Variants in TRIML2 observed in about 807,000 individuals in gnomAD.
TRIML2 encodes tripartite motif family like 2.
A neutral mutation model predicts 31.2 loss-of-function variants in TRIML2; 28 were observed. The ratio of observed to expected loss-of-function variants is 0.90; its 90% CI spans 0.66 to 1.23. The LOEUF is 1.23. TRIML2 is among the 50% of genes most tolerant of loss of function. The pLI is 0.00. For synonymous variants in TRIML2, 187 were observed against 197.5 expected (o/e 0.95, Z 0.45); for missense variants, 536 against 528.3 (o/e 1.01, Z -0.14).
rs552696264 is a variant in TRIML2, at chr4:188,099,576, C to G, written c.481-401G>C. Among the ~76,000 whole-genome samples, 631 of 148,288 alleles carry G rather than the reference C, an allele frequency of 4.3e-3. 4 individuals carry two copies. The highest frequency in any genetic ancestry group is 0.015 in the African/African-American group (597 of 40,756). ...AAGACTCCAAATCAAAAAAAAAAACCAAAACCAAAACCAAAAAAAAAAAAA... is the reference window on the plus strand; with the variant it reads ...AAGACTCCAAATCAAAAAAAAAAACGAAAACCAAAACCAAAAAAAAAAAAA... On this transcript the variant is annotated intron_variant, in intron 4 of 7. Coordinates refer to ENST00000682553, the MANE Select transcript of TRIML2 (RefSeq NM_173553.4).
At chr4:188,098,917 T>C (rs1296841151) in intron 5 of TRIML2, 118 bp downstream of exon 5, 8 of 1,200,698 alleles carry the variant, frequency 6.7e-6, no homozygotes, top group Admixed American at 2.5e-5. Flanking sequence ...TGTAGCCTTC[T>C]TTTGTGGTTG....
Position 188,091,423 on chromosome 4 carries a change from G to T in TRIML2, c.1264C>A (p.Leu422Ile). 1 of 1,614,190 alleles carries T rather than the reference G, an allele frequency of 6.2e-7. No homozygotes were observed. Among genetic ancestry groups the T allele is most frequent in the Non-Finnish European group, 8.5e-7 (1 of 1,180,048 alleles). ...IPNGDTSPDS[L>I]TILQHGPSCD... ...GAAGGACCATGTTGTAAGATGGTGA[G>T]GGAGTCTGGACTTGTGTCTCCATTT... Residue 422 changes from leucine (L) to isoleucine (I), a missense_variant, in exon 8 of 8, where the codon CTC becomes ATC. Coordinates refer to ENST00000682553, the MANE Select transcript of TRIML2 (RefSeq NM_173553.4).
Position 188,104,832 on chromosome 4 carries a change from C to G in TRIML2, c.285+5G>C, listed in dbSNP as rs967375881. 1.9e-6 allele frequency: 3 copies of G among 1,611,742 alleles called. No individual in the cohort carries two copies. The highest frequency in any genetic ancestry group is 1.3e-5 in the African/African-American group (1 of 74,892). On this transcript the variant is annotated splice_donor_5th_base_variant and intron_variant, in intron 3 of 7. Transcript: ENST00000682553. ...CCCCAAGAATCAAGATAAGCACTCA[C>G]TGACCTGAATCATCGCCATTCTTTC...
chr4:188,103,296 A>G (rs1014085837), intron 3 of TRIML2, among the ~76,000 whole-genome samples: 34 of 152,232 alleles, frequency 2.2e-4, no homozygotes, highest in African/African-American at 7.2e-4. Flanking sequence ...CACCACGACC[A>G]GCCTGCTTTT....
At position 188,099,278 on chromosome 4, in the gene TRIML2, G is replaced by A. The variant is rs573372449; in HGVS notation, c.481-103C>T. 8.4e-5 allele frequency: 121 copies of A among 1,448,974 alleles called. No individual in the cohort carries two copies. In the Admixed American group the frequency reaches 9.1e-4, roughly 11 times the overall value. 89.8% of individuals were successfully genotyped at this position (1,448,974 alleles called of 1,614,324 possible). On this transcript the variant is annotated intron_variant, in intron 4 of 7. Transcript: ENST00000682553. ...AATTCAACCATGTTTTTAAAAACCT[G>A]CTTTTCGGTTGGGCGCAGTGGCTCA...
At chr4:188,108,012 T>C (rs190364000) in intron 1 of TRIML2, among the ~76,000 whole-genome samples, 34 of 152,264 alleles carry the variant, frequency 2.2e-4, no homozygotes, top group Middle Eastern at 3.4e-3. Context: ...CTCAAATTTT[T>C]CCTTGAGCTC....
chr4:188,107,776 G>C (rs1734100693), intron 1 of TRIML2, among the ~76,000 whole-genome samples: 1 of 152,122 alleles, frequency 6.6e-6, no homozygotes, highest in Non-Finnish European at 1.5e-5. Context: ...ATTCCATCAG[G>C]TTTGGCCTTT....
Position 188,105,198 on chromosome 4 carries a change from C to T in TRIML2, c.171G>A (p.Glu57=). ...HKHHMVCGIQ[E]AAENYRKLFQ... is the part of the protein sequence containing the mutation. ...CTCTTACCCTGTAATTCTCAGCAGCCTCTTGTATCCCACACACCATGTGAT... is the reference window on the plus strand; with the variant it reads ...CTCTTACCCTGTAATTCTCAGCAGCTTCTTGTATCCCACACACCATGTGAT... The change falls in exon 2 of 8, where the codon GAG becomes GAA. Residue 57 remains glutamate, a synonymous_variant. Transcript: ENST00000682553. 1 of 1,600,774 alleles carries T rather than the reference C, an allele frequency of 6.2e-7. No individual in the cohort carries two copies. Among genetic ancestry groups the T allele is most frequent in the South Asian group, 1.1e-5 (1 of 90,844 alleles).
chr4:188,098,041 G>A (rs1733595546), intron 5 of TRIML2, among the ~76,000 whole-genome samples: 1 of 150,510 alleles, frequency 6.6e-6, no homozygotes, highest in Non-Finnish European at 1.5e-5. Context: ...AGAATCGCTT[G>A]AACTGGGGAG....
chr4:188,108,338 C>T (rs1237101267), intron 1 of TRIML2, among the ~76,000 whole-genome samples: 2 of 152,158 alleles, frequency 1.3e-5, no homozygotes, highest in South Asian at 2.1e-4. Flanking sequence ...TATCTAAAGC[C>T]GCTCAGGATC....
chr4:188,104,767 T>G, intron 3 of TRIML2, 70 bp downstream of exon 3: 9 of 1,262,924 alleles, frequency 7.1e-6, no homozygotes, highest in Non-Finnish European at 9.2e-6. Context: ...TGACTTTGTT[T>G]ATGATACACT....
At chr4:188,093,008 T>G (rs1733335249) in intron 7 of TRIML2, 1 of 385,508 alleles carries the variant, frequency 2.6e-6, no homozygotes, top group South Asian at 1.9e-5. Flanking sequence ...TGTTTGTGAC[T>G]CGCTCCATAA....
chr4:188,105,020 A>T lies in TRIML2; in HGVS notation c.190-88T>A, dbSNP rs1036079689. ...TTAAACAGCCAACAACTCTGAGTATATATTTTCTTAGCCTTTAGGTTGAAG... is the reference window on the plus strand; with the variant it reads ...TTAAACAGCCAACAACTCTGAGTATTTATTTTCTTAGCCTTTAGGTTGAAG... On this transcript the variant is annotated intron_variant, in intron 2 of 7. Coordinates refer to ENST00000682553, the MANE Select transcript of TRIML2 (RefSeq NM_173553.4). 7 of 1,405,690 alleles carry T rather than the reference A, an allele frequency of 5.0e-6. No homozygotes were observed. The South Asian group carries it at 8.3e-5, about 17-fold the overall frequency. The allele number at this position is 1,405,690 out of a possible 1,614,324, so 87.1% of individuals were successfully genotyped here.
chr4:188,108,631 T>C (rs1401944022), intron 1 of TRIML2, among the ~76,000 whole-genome samples: 1 of 152,056 alleles, frequency 6.6e-6, no homozygotes, highest in African/African-American at 2.4e-5. Context: ...TCTATAGCTT[T>C]CCCCCATCAC....
chr4:188,101,092 G>T lies in TRIML2; in HGVS notation c.444C>A (p.Ala148=), dbSNP rs1165227008. The change falls in exon 4 of 8, where the codon GCC becomes GCA. Residue 148 remains alanine, a synonymous_variant. Transcript: ENST00000682553. Reference sequence around the variant, plus strand: ...CCTGGAACATCTCCTCTAGCTCGGTGGCAAGCTTGATCGCTTGATTCAGAA... The same window carrying T: ...CCTGGAACATCTCCTCTAGCTCGGTTGCAAGCTTGATCGCTTGATTCAGAA... ...ETLLNQAIKL[A]TELEEMFQEM... is the part of the protein sequence containing the mutation. 1.2e-6 allele frequency: 2 copies of T among 1,613,322 alleles called. No individual in the cohort carries two copies. The highest frequency in any genetic ancestry group is 3.3e-5 in the Admixed American group (2 of 59,936).
rs149603744 is a variant in TRIML2, at chr4:188,103,150, C to G, written c.285+1687G>C. Among the ~76,000 whole-genome samples the G allele has an allele frequency of 7.6e-3, 1,146 of 151,590 alleles. 23 individuals are homozygous for G. Among genetic ancestry groups the G allele is most frequent in the African/African-American group, 0.026 (1,084 of 41,394 alleles). On this transcript the variant is annotated intron_variant, in intron 3 of 7. Transcript: ENST00000682553. ...GCCTCAGTCACCTGAGTAGCTGGGACTACAGGCACCTGCCACCACACCCGA... is the reference window on the plus strand; with the variant it reads ...GCCTCAGTCACCTGAGTAGCTGGGAGTACAGGCACCTGCCACCACACCCGA...
Position 188,100,965 on chromosome 4 carries a change from T to C in TRIML2, c.480+91A>G, listed in dbSNP as rs1579177639. ...AATTCATTTAATACATGTGTGGTTGTCACTGGCTATGTTATTTTGGAATTG... is the reference window on the plus strand; with the variant it reads ...AATTCATTTAATACATGTGTGGTTGCCACTGGCTATGTTATTTTGGAATTG... On this transcript the variant is annotated intron_variant, in intron 4 of 7. Coordinates refer to ENST00000682553, the MANE Select transcript of TRIML2 (RefSeq NM_173553.4). The C allele has an allele frequency of 4.2e-6, 5 of 1,192,990 alleles. No homozygotes were observed. In the East Asian group the frequency reaches 1.2e-4, roughly 30 times the overall value. The allele number at this position is 1,192,990 out of a possible 1,614,324, so 73.9% of individuals were successfully genotyped here. A position where few individuals can be genotyped will look rare whatever the true frequency, so the allele number is the denominator to read the frequency against.
chr4:188,091,563 T>C lies in TRIML2; in HGVS notation c.1124A>G (p.Asp375Gly), dbSNP rs1560944190. Residue 375 changes from aspartate to glycine, a missense_variant, in exon 8 of 8, where the codon GAC becomes GGC. Transcript: ENST00000682553. ...GAATGATATCTGCCCGTGTTCGCAG[T>C]CAAGGAAAACGCCAACTGTGTCCAA... ...KKLDTVGVFL[D>G]CEHGQISFYN... 1.2e-6 allele frequency: 2 copies of C among 1,614,134 alleles called. No homozygotes were observed. Among genetic ancestry groups the C allele is most frequent in the Non-Finnish European group, 1.7e-6 (2 of 1,180,042 alleles).
At chr4:188,098,347 C>A in intron 5 of TRIML2, 1 of 395,204 alleles carries the variant, frequency 2.5e-6, no homozygotes, top group Non-Finnish European at 5.1e-6. Context: ...GCCTCACAAG[C>A]TGAAGGGGTG....
Sources: allele counts gnomAD v4.1 joint callset (sites outside exome capture counted in the v4.1 genomes callset), GRCh38; gene constraint gnomAD v4.1.1; transcripts MANE v1.5; gene names NCBI Gene and HGNC (gene_info 2026-07-23, HGNC 2026-07-21).